DTNA: variants seen among roughly 807,000 people sequenced by gnomAD.
The protein encoded by DTNA is dystrobrevin alpha.
A neutral mutation model predicts 100.7 loss-of-function variants in DTNA; 43 were observed. The ratio of observed to expected loss-of-function variants is 0.43; its 90% CI spans 0.33 to 0.55. The LOEUF (loss-of-function observed/expected upper bound fraction) is 0.55. DTNA is among the 20% of genes least tolerant of loss of function. DTNA has a pLI of 0.04. For synonymous variants in DTNA, 349 were observed against 347.9 expected (o/e 1.00, Z -0.04); for missense variants, 798 against 953.9 (o/e 0.84, Z 2.15).
chr18:34,725,935 C>A (rs902027243), intron 1 of DTNA, among the ~76,000 whole-genome samples: 4 of 152,142 alleles, frequency 2.6e-5, no homozygotes, highest in Admixed American at 2.6e-4. Flanking sequence ...AGGATGAGTT[C>A]ATATCCTTTT....
At chr18:34,711,582 A>G (rs568187287) in intron 1 of DTNA, among the ~76,000 whole-genome samples, 1 of 152,244 alleles carries the variant, frequency 6.6e-6, no homozygotes, top group African/African-American at 2.4e-5. Context: ...TTAGTGAACT[A>G]AAATCAATTA....
Position 34,868,208 on chromosome 18 carries a change from A to ATTTT in DTNA, c.1743+4146_1743+4147insTTTT, listed in dbSNP as rs1241743503. On this transcript the variant is annotated intron_variant, in intron 17 of 22. Coordinates refer to ENST00000444659, the MANE Select transcript of DTNA (RefSeq NM_001386795.1). ...GTGGTTTTATCAGTACAGAAATACC[A>ATTTT]CTTCTCAGGGGAACAAAATTTCTGT... 4.2e-5 allele frequency: 13 copies of ATTTT among 308,386 alleles called. No homozygotes were observed. In the South Asian group the frequency reaches 1.7e-3, roughly 39 times the overall value. 19.1% of individuals were successfully genotyped at this position (308,386 alleles called of 1,614,324 possible).
At chr18:34,652,854 C>T (rs1010977066) in intron 1 of DTNA, among the ~76,000 whole-genome samples, 1 of 152,160 alleles carries the variant, frequency 6.6e-6, no homozygotes, top group Admixed American at 6.5e-5. Context: ...AATCTATCAT[C>T]GGGTAATGCC....
chr18:34,866,057 G>A, intron 17 of DTNA: 1 of 1,600,212 alleles, frequency 6.2e-7, no homozygotes, highest in Admixed American at 1.7e-5. Flanking sequence ...CTGTGTACAT[G>A]CTCTTATTGG....
At chr18:34,866,210 T>G in intron 17 of DTNA, 1 of 1,613,892 alleles carries the variant, frequency 6.2e-7, no homozygotes. Context: ...TTGCTTTTGC[T>G]CTAATGTATG....
chr18:34,670,866 G>A (rs1329652007), intron 1 of DTNA, among the ~76,000 whole-genome samples: 1 of 152,202 alleles, frequency 6.6e-6, no homozygotes, highest in Non-Finnish European at 1.5e-5. Context: ...CTACTCGGGG[G>A]TCAGGGACCC....
chr18:34,733,764 A>T (rs185132091), intron 1 of DTNA, among the ~76,000 whole-genome samples: 20 of 152,224 alleles, frequency 1.3e-4, no homozygotes, highest in African/African-American at 4.1e-4. Context: ...CAATCTCCCT[A>T]AGCCTTTGGA....
chr18:34,871,184 C>G (rs2096762149), intron 17 of DTNA, among the ~76,000 whole-genome samples: 1 of 152,136 alleles, frequency 6.6e-6, no homozygotes, highest in Non-Finnish European at 1.5e-5. Context: ...TGTCCTGATT[C>G]AACAATTAGA....
intron 1 of DTNA, among the ~76,000 whole-genome samples, chr18:34,656,872 T>C (rs185503972): frequency 2.6e-4 from 39 of 152,228 alleles, no homozygotes; most frequent in African/African-American, 7.9e-4. Context: ...TTGCATAGCC[T>C]TTTTTTGTTT....
At chr18:34,773,069 G>C (rs751884363) in intron 3 of DTNA, among the ~76,000 whole-genome samples, 1 of 152,228 alleles carries the variant, frequency 6.6e-6, no homozygotes, top group African/African-American at 2.4e-5. Flanking sequence ...AGCCCAGCTA[G>C]AGTGTCCTCT....
intron 9 of DTNA, among the ~76,000 whole-genome samples, chr18:34,825,078 A>G (rs909016801): frequency 6.6e-6 from 1 of 151,920 alleles, no homozygotes; most frequent in South Asian, 2.1e-4. Flanking sequence ...TTTTTTAACT[A>G]TAGCCAAGGG....
chr18:34,808,912 C>T (rs148604862), intron 5 of DTNA, among the ~76,000 whole-genome samples: 1 of 152,138 alleles, frequency 6.6e-6, no homozygotes, highest in Non-Finnish European at 1.5e-5. Flanking sequence ...CCCGATAAAT[C>T]GCATTCCCCA....
chr18:34,591,743 A>G (rs2049749976), intron 1 of DTNA, among the ~76,000 whole-genome samples: 1 of 152,212 alleles, frequency 6.6e-6, no homozygotes, highest in Non-Finnish European at 1.5e-5. Flanking sequence ...CTTTGGGGAC[A>G]AAAATAAGGA....
At chr18:34,880,079 A>G (rs1297247965) in intron 20 of DTNA, among the ~76,000 whole-genome samples, 1 of 152,158 alleles carries the variant, frequency 6.6e-6, no homozygotes, top group Admixed American at 6.5e-5. Flanking sequence ...AACTTATTGT[A>G]TTTGCACTTA....
At chr18:34,614,979 C>T (rs2054947949) in intron 1 of DTNA, among the ~76,000 whole-genome samples, 1 of 152,194 alleles carries the variant, frequency 6.6e-6, no homozygotes, top group Non-Finnish European at 1.5e-5. Flanking sequence ...CCAATTAATG[C>T]AGCAAACATC....
chr18:34,881,436 G>GTTTTT (rs1603350679), intron 20 of DTNA, among the ~76,000 whole-genome samples: 3 of 68,422 alleles, frequency 4.4e-5, no homozygotes, highest in African/African-American at 1.5e-4. Flanking sequence ...TAATTAAAAT[G>GTTTTT]CTTTTTTTTT....
chr18:34,794,875 A>T (rs945371578), intron 4 of DTNA, among the ~76,000 whole-genome samples: 1 of 152,180 alleles, frequency 6.6e-6, no homozygotes, highest in Admixed American at 6.5e-5. Context: ...GTTCGTCCAC[A>T]TATCTCATTT....
At chr18:34,789,644 G>A (rs2094632263) in intron 3 of DTNA, among the ~76,000 whole-genome samples, 1 of 152,126 alleles carries the variant, frequency 6.6e-6, no homozygotes, top group Non-Finnish European at 1.5e-5. Context: ...ATCTACCATA[G>A]TGTTTGCATA....
intron 13 of DTNA, among the ~76,000 whole-genome samples, chr18:34,847,994 G>A (rs1194614034): frequency 6.6e-6 from 1 of 152,106 alleles, no homozygotes; most frequent in Non-Finnish European, 1.5e-5. Flanking sequence ...AATGTTAAAG[G>A]CAATAAAAGT....
Sources: allele counts gnomAD v4.1 joint callset (sites outside exome capture counted in the v4.1 genomes callset), GRCh38; gene constraint gnomAD v4.1.1; transcripts MANE v1.5; gene names NCBI Gene and HGNC (gene_info 2026-07-23, HGNC 2026-07-21).